The following AFAP1L2 variants were observed in gnomAD, a reference collection of about 807,000 sequenced individuals.
The protein encoded by AFAP1L2 is actin filament-associated protein 1-like 2.
Under a neutral mutation model 99.3 loss-of-function variants are expected in AFAP1L2, and 46 were observed. The observed-to-expected ratio is 0.46, with a 90% CI of 0.37 to 0.59. AFAP1L2 has a LOEUF of 0.59. Among genes scored for constraint, AFAP1L2 ranks in the 20% least tolerant of loss-of-function variants. The probability of loss-of-function intolerance (pLI) is 0.00; values close to 1 mark genes in which losing one functional copy is unlikely to be tolerated. For synonymous variants in AFAP1L2, 397 were observed against 419.1 expected (o/e 0.95, Z 0.64); for missense variants, 959 against 1,034.9 (o/e 0.93, Z 1.01).
At chr10:114,363,297 G>GTAGCCTGCAGAATTCACC (rs2052711631) in intron 1 of AFAP1L2, 1 of 481,424 alleles carries the variant, frequency 2.1e-6, no homozygotes, top group East Asian at 1.5e-4. Context: ...CAGAATTCAC[G>GTAGCCTGCAGAATTCACC]ACACACGCTC....
At chr10:114,345,878 G>C (rs138284632) in intron 1 of AFAP1L2, among the ~76,000 whole-genome samples, 1 of 142,918 alleles carries the variant, frequency 7.0e-6, no homozygotes, top group Non-Finnish European at 1.5e-5. Context: ...GTGGAGATGC[G>C]GAAAGCCATC....
intron 1 of AFAP1L2, among the ~76,000 whole-genome samples, chr10:114,391,489 G>A (rs2057156419): frequency 6.6e-6 from 1 of 152,172 alleles, no homozygotes; most frequent in South Asian, 2.1e-4. Context: ...CAAAGTGCTG[G>A]GATTACAGGC....
rs1442477550 is a variant in AFAP1L2, at chr10:114,363,957, C to T, written c.17-23226G>A. Reference sequence around the variant, plus strand: ...CTAATGTGCAGAACAGGATTTGAGCCAGGATCCTAAAAGCCCATTCCTTTT... The same window carrying T: ...CTAATGTGCAGAACAGGATTTGAGCTAGGATCCTAAAAGCCCATTCCTTTT... On this transcript the variant is annotated intron_variant, in intron 1 of 18. Transcript: ENST00000304129. 9.3e-5 allele frequency among the ~76,000 whole-genome samples: 3 copies of T among 32,238 alleles called. No individual in the cohort carries two copies. The Admixed American group carries it at 1.6e-3, about 17-fold the overall frequency. 21.1% of individuals were successfully genotyped at this position (32,238 alleles called of 152,430 possible).
At position 114,295,872 on chromosome 10, in the gene AFAP1L2, T is replaced by C; in HGVS notation, c.*170A>G. ...TTTTTGTTGTATTATTTCCTTTGGC[T>C]CTGAAAAGGGACAGAGCCTCCTCTT... On this transcript the variant is annotated 3_prime_UTR_variant, in exon 19 of 19. Transcript: ENST00000304129. The C allele has an allele frequency of 2.7e-6, 4 of 1,474,942 alleles. No individual in the cohort carries two copies. The highest frequency in any genetic ancestry group is 2.7e-6 in the Non-Finnish European group (3 of 1,114,436). 91.4% of individuals were successfully genotyped at this position (1,474,942 alleles called of 1,614,324 possible). A position where few individuals can be genotyped will look rare whatever the true frequency, so the allele number is the denominator to read the frequency against.
intron 1 of AFAP1L2, chr10:114,398,968 C>G: frequency 7.9e-7 from 1 of 1,259,214 alleles, no homozygotes; most frequent in South Asian, 1.3e-5. Flanking sequence ...GGGCTTTCAT[C>G]TCCATTTCTG....
intron 15 of AFAP1L2, 77 bp from the exon 16 acceptor site, chr10:114,299,492 C>G: frequency 6.4e-7 from 1 of 1,567,340 alleles, no homozygotes; most frequent in Non-Finnish European, 8.7e-7. Flanking sequence ...TCCCCAGGCT[C>G]GGATAGAACC....
intron 1 of AFAP1L2, among the ~76,000 whole-genome samples, chr10:114,371,665 T>G: frequency 5.4e-5 from 8 of 148,344 alleles, no homozygotes; most frequent in African/African-American, 1.5e-4. Context: ...TGTTGTGGGG[T>G]GGGGGGCTAG....
At chr10:114,299,202 A>T in intron 16 of AFAP1L2, 58 bp downstream of exon 16, 1 of 1,595,912 alleles carries the variant, frequency 6.3e-7, no homozygotes, top group Admixed American at 1.7e-5. Flanking sequence ...TCCGCCAAAA[A>T]GTTAAGCCTA....
intron 3 of AFAP1L2, among the ~76,000 whole-genome samples, chr10:114,332,374 GCCA>G (rs1041300143): frequency 9.2e-5 from 14 of 152,236 alleles, no homozygotes; most frequent in Non-Finnish European, 1.6e-4. Context: ...GGGAAGTGAG[GCCA>G]CCAACCCTCG....
rs1203656143 is a variant in AFAP1L2, at chr10:114,310,341, G to A, written c.882+13C>T. 1.9e-6 allele frequency: 3 copies of A among 1,610,970 alleles called. No homozygotes were observed. The South Asian group carries it at 3.3e-5, about 18-fold the overall frequency. ...GGAAGGGGACTCTCCCTCCAGGCAGGGCAGAGGCTTACTTTCTGGCAGTTA... is the reference window on the plus strand; with the variant it reads ...GGAAGGGGACTCTCCCTCCAGGCAGAGCAGAGGCTTACTTTCTGGCAGTTA... On this transcript the variant is annotated intron_variant, in intron 8 of 18. Coordinates refer to ENST00000304129, the MANE Select transcript of AFAP1L2 (RefSeq NM_001001936.3).
chr10:114,286,506 G>A, the AFAP1L2 span: 76 of 1,563,218 alleles, frequency 4.9e-5, no homozygotes, highest in African/African-American at 2.7e-4. Flanking sequence ...AGCCGGCAGC[G>A]GCCAGGTAAG....
At chr10:114,403,446 C>T (rs565381274) in intron 1 of AFAP1L2, among the ~76,000 whole-genome samples, 89 of 152,314 alleles carry the variant, frequency 5.8e-4, no homozygotes, top group Non-Finnish European at 9.4e-4. Context: ...TTTTATTACT[C>T]TCTCCCAGGG....
chr10:114,398,704 C>T (rs879385786), intron 1 of AFAP1L2: 39 of 589,132 alleles, frequency 6.6e-5, no homozygotes, highest in Non-Finnish European at 9.0e-5. Context: ...ATTAGAATCC[C>T]GAGCCCCTGA....
At chr10:114,319,236 G>A (rs2044683838) in intron 5 of AFAP1L2, among the ~76,000 whole-genome samples, 1 of 152,144 alleles carries the variant, frequency 6.6e-6, no homozygotes, top group Admixed American at 6.5e-5. Context: ...ACAGGAATGA[G>A]AGGCAGGATG....
intron 1 of AFAP1L2, among the ~76,000 whole-genome samples, chr10:114,358,779 G>C (rs772782100): frequency 6.6e-6 from 1 of 152,086 alleles, no homozygotes; most frequent in Non-Finnish European, 1.5e-5. Flanking sequence ...GCCGGGCGTG[G>C]TGGCAGATAC....
intron 2 of AFAP1L2, among the ~76,000 whole-genome samples, chr10:114,340,168 C>T (rs1417744293): frequency 1.5e-5 from 1 of 66,108 alleles, no homozygotes; most frequent in South Asian, 7.2e-4. Context: ...CCCATCTCTA[C>T]AAAAAAAAAA....
chr10:114,321,980 G>C (rs773546869), intron 5 of AFAP1L2, among the ~76,000 whole-genome samples: 2 of 152,172 alleles, frequency 1.3e-5, no homozygotes, highest in African/African-American at 4.8e-5. Context: ...GTCATGGGAG[G>C]GACCTGGTGG....
At chr10:114,397,554 G>T (rs192693090) in intron 1 of AFAP1L2, among the ~76,000 whole-genome samples, 3 of 152,148 alleles carry the variant, frequency 2.0e-5, no homozygotes, top group African/African-American at 7.2e-5. Flanking sequence ...GCTTAGGTCC[G>T]GTAATAGGGC....
At position 114,333,233 on chromosome 10, in the gene AFAP1L2, ACT is replaced by A; in HGVS notation, c.206_207del (p.Glu69ValfsTer7). ...CCCAGCCTCATACCTTTGCCTTGAG[ACT>A]CTGCATTCTGTTGCTTGTTGATGGT... ...KVTINKQQNA[E>X]SQGKAPEEQG... is the part of the protein sequence containing the mutation. On this transcript the variant is annotated frameshift_variant, in exon 3 of 19. Coordinates refer to ENST00000304129, the MANE Select transcript of AFAP1L2 (RefSeq NM_001001936.3). LOFTEE classifies it high-confidence loss of function. The A allele has an allele frequency of 6.2e-7, 1 of 1,613,420 alleles. No individual in the cohort carries two copies. Among genetic ancestry groups the A allele is most frequent in the Non-Finnish European group, 8.5e-7 (1 of 1,179,806 alleles).
Sources: gnomAD v4.1 joint callset for allele counts (sites outside exome capture counted in the v4.1 genomes callset) on GRCh38, gnomAD v4.1.1 for gene constraint, MANE v1.5 for transcripts, NCBI Gene and HGNC (gene_info 2026-07-23, HGNC 2026-07-21) for gene names.